Variants in ZNF385B observed in about 807,000 individuals in gnomAD.
ZNF385B encodes the protein zinc finger protein 533.
Under a neutral mutation model 39.2 loss-of-function variants are expected in ZNF385B, and 23 were observed. The ratio of observed to expected loss-of-function variants is 0.59; its 90% CI spans 0.42 to 0.83. ZNF385B has a LOEUF of 0.83. ZNF385B is among the 40% of genes least tolerant of loss of function. The pLI, the probability that ZNF385B is intolerant of heterozygous loss-of-function variation, is 0.00. For missense variants in ZNF385B, 552 were observed against 598.9 expected (o/e 0.92, Z 0.82); for synonymous variants, 205 against 222.6 (o/e 0.92, Z 0.70).
intron 3 of ZNF385B, among the ~76,000 whole-genome samples, chr2:179,577,207 C>T (rs1190615662): frequency 6.6e-6 from 1 of 151,962 alleles, no homozygotes; most frequent in East Asian, 1.9e-4. Context: ...GCCACCCAGG[C>T]CCAGGTGGAC....
rs567693622 is a variant in ZNF385B at position 179,685,164 on chromosome 2, T to G, written c.298+84339A>C. On this transcript the variant is annotated intron_variant, in intron 3 of 9. Coordinates refer to ENST00000410066, the MANE Select transcript of ZNF385B (RefSeq NM_152520.6). Reference sequence around the variant, plus strand: ...AATTAGAGTTTCTGGCCTTGCTTAATGAAAAGTGGCTGAATTAAATTTTCT... The same window carrying G: ...AATTAGAGTTTCTGGCCTTGCTTAAGGAAAAGTGGCTGAATTAAATTTTCT... Among the ~76,000 whole-genome samples the G allele has an allele frequency of 4.1e-4, 63 of 152,374 alleles. 1 individual carries two copies. Among genetic ancestry groups the G allele is most frequent in the African/African-American group, 1.5e-3 (61 of 41,602 alleles).
chr2:179,690,212 G>C (rs1428864447), intron 3 of ZNF385B, among the ~76,000 whole-genome samples: 1 of 151,952 alleles, frequency 6.6e-6, no homozygotes, highest in Non-Finnish European at 1.5e-5. Context: ...AGATGACAGA[G>C]GGGAAAAAAA....
rs114585716 is a variant in ZNF385B at position 179,704,998 on chromosome 2, C to T, written c.298+64505G>A. ...TCTATTCTTTCCTGTATTCTCATAC[C>T]TATACTGCTCTGCCCCCTTTTTTTC... On this transcript the variant is annotated intron_variant, in intron 3 of 9. Coordinates refer to ENST00000410066, the MANE Select transcript of ZNF385B (RefSeq NM_152520.6). Among the ~76,000 whole-genome samples, 771 of 152,288 alleles carry T rather than the reference C, an allele frequency of 5.1e-3. 10 individuals are homozygous for T. The highest frequency in any genetic ancestry group is 0.017 in the African/African-American group (719 of 41,542).
intron 3 of ZNF385B, among the ~76,000 whole-genome samples, chr2:179,725,411 A>T (rs1700939019): frequency 6.6e-6 from 1 of 151,964 alleles, no homozygotes; most frequent in South Asian, 2.1e-4. Flanking sequence ...CATCACATAT[A>T]TATAAAAACA....
chr2:179,767,655 G>C (rs1193112043), intron 3 of ZNF385B, among the ~76,000 whole-genome samples: 3 of 152,104 alleles, frequency 2.0e-5, no homozygotes, highest in Non-Finnish European at 4.4e-5. Context: ...ACCTCATTCA[G>C]TGGAGGCTCT....
chr2:179,761,777 T>C (rs1005789714), intron 3 of ZNF385B, among the ~76,000 whole-genome samples: 6 of 149,450 alleles, frequency 4.0e-5, no homozygotes, highest in Non-Finnish European at 5.9e-5. Flanking sequence ...TTTTTTTTTT[T>C]TTTTGCTTTT....
chr2:179,631,114 G>A (rs1691167844), intron 3 of ZNF385B, among the ~76,000 whole-genome samples: 1 of 152,160 alleles, frequency 6.6e-6, no homozygotes, highest in African/African-American at 2.4e-5. Flanking sequence ...TCATCCAGGA[G>A]AACTTCCCCA....
chr2:179,564,924 C>T (rs189116596), intron 3 of ZNF385B, among the ~76,000 whole-genome samples: 1 of 152,310 alleles, frequency 6.6e-6, no homozygotes, highest in African/African-American at 2.4e-5. Context: ...CTGGTCTTTA[C>T]TTCCTTACAT....
intron 5 of ZNF385B, among the ~76,000 whole-genome samples, chr2:179,487,607 G>A (rs17747468): frequency 0.13 from 20,397 of 152,204 alleles, 1,508 homozygotes; most frequent in Non-Finnish European, 0.17. Context: ...GGCAACACAC[G>A]TCAAGCCCAT....
intron 3 of ZNF385B, among the ~76,000 whole-genome samples, chr2:179,667,348 A>C (rs921709993): frequency 4.6e-5 from 7 of 152,192 alleles, no homozygotes; most frequent in Non-Finnish European, 1.0e-4. Flanking sequence ...TATTCTGCAG[A>C]AATCATGTAC....
At chr2:179,752,106 C>T (rs1014255823) in intron 3 of ZNF385B, among the ~76,000 whole-genome samples, 5 of 152,136 alleles carry the variant, frequency 3.3e-5, no homozygotes, top group Non-Finnish European at 7.4e-5. Context: ...CACGACAGGC[C>T]CCGGTGTGTG....
At chr2:179,772,281 C>A (rs1704056189) in intron 1 of ZNF385B, among the ~76,000 whole-genome samples, 1 of 152,086 alleles carries the variant, frequency 6.6e-6, no homozygotes, top group Non-Finnish European at 1.5e-5. Context: ...GTACCAGCAT[C>A]CTCCATAACT....
At chr2:179,544,054 G>T (rs2060082058) in intron 4 of ZNF385B, among the ~76,000 whole-genome samples, 1 of 152,108 alleles carries the variant, frequency 6.6e-6, no homozygotes, top group Non-Finnish European at 1.5e-5. Context: ...GACAATGTAT[G>T]CATTCACCTG....
rs185794255 is a variant in ZNF385B at position 179,518,675 on chromosome 2, T to C, written c.442-37A>G. Reference sequence around the variant, plus strand: ...ATGAAAAAATAGTCAATTTGTAACTTCAAAGAAAAGACAACAGTGTGAGCA... The same window carrying C: ...ATGAAAAAATAGTCAATTTGTAACTCCAAAGAAAAGACAACAGTGTGAGCA... On this transcript the variant is annotated intron_variant, in intron 4 of 9. Coordinates refer to ENST00000410066, the MANE Select transcript of ZNF385B (RefSeq NM_152520.6). 634 of 1,375,726 alleles carry C rather than the reference T, an allele frequency of 4.6e-4. 1 individual carries two copies. In the African/African-American group the frequency reaches 5.9e-3, roughly 13 times the overall value. The allele number at this position is 1,375,726 out of a possible 1,614,324, so 85.2% of individuals were successfully genotyped here.
chr2:179,692,260 T>C (rs955710157), intron 3 of ZNF385B, among the ~76,000 whole-genome samples: 3 of 152,086 alleles, frequency 2.0e-5, no homozygotes, highest in African/African-American at 7.2e-5. Context: ...TTTGTGCACA[T>C]AATTTAGCTT....
At chr2:179,848,901 G>A (rs182907038) in intron 1 of ZNF385B, among the ~76,000 whole-genome samples, 219 of 152,212 alleles carry the variant, frequency 1.4e-3, no homozygotes, top group African/African-American at 4.9e-3. Flanking sequence ...AAAAAGAGAG[G>A]GGACTATTTC....
In ZNF385B at chr2:179,713,429, C is replaced by A. The variant is rs550315768; in HGVS notation, c.298+56074G>T. Among the ~76,000 whole-genome samples, 14 of 152,204 alleles carry A rather than the reference C, an allele frequency of 9.2e-5. No individual in the cohort carries two copies. In the East Asian group the frequency reaches 2.7e-3, roughly 29 times the overall value. ...TTAGAATGCGTATTTCTTTTTTCAACTAGTTAGCTCCTATTTAATCTTCAA... is the reference window on the plus strand; with the variant it reads ...TTAGAATGCGTATTTCTTTTTTCAAATAGTTAGCTCCTATTTAATCTTCAA... On this transcript the variant is annotated intron_variant, in intron 3 of 9. Transcript: ENST00000410066.
In ZNF385B at chr2:179,594,893, AC is replaced by A. The variant is rs566969156; in HGVS notation, c.299-49925del. On this transcript the variant is annotated intron_variant, in intron 3 of 9. Transcript: ENST00000410066. The stretch of plus-strand genomic sequence containing the variant: ...CTAATCATGGTTTACTGCAGGCTCA[AC>A]CTCCTGGACTTAAGCAATCCCTCCA... Among the ~76,000 whole-genome samples, 29 of 151,922 alleles carry A rather than the reference AC, an allele frequency of 1.9e-4. 1 individual carries two copies. In the South Asian group the frequency reaches 5.8e-3, roughly 31 times the overall value.
intron 3 of ZNF385B, among the ~76,000 whole-genome samples, chr2:179,713,673 C>T (rs555717354): frequency 9.2e-5 from 14 of 152,280 alleles, no homozygotes; most frequent in Admixed American, 3.3e-4. Context: ...GTATCTTCAC[C>T]GCCTAACATA....
Sources: allele counts gnomAD v4.1 joint callset (sites outside exome capture counted in the v4.1 genomes callset), GRCh38; gene constraint gnomAD v4.1.1; transcripts MANE v1.5; gene names NCBI Gene and HGNC (gene_info 2026-07-23, HGNC 2026-07-21).